Variants in RERE observed in about 807,000 individuals in gnomAD.
The protein encoded by RERE is arginine-glutamic acid dipeptide repeats protein.
Under a neutral mutation model 146.1 loss-of-function variants are expected in RERE, and 40 were observed. The ratio of observed to expected loss-of-function variants is 0.27; its 90% CI spans 0.21 to 0.36. The LOEUF (loss-of-function observed/expected upper bound fraction) is 0.36, where lower values mean the gene tolerates loss of function less well. RERE is among the 10% of genes least tolerant of loss of function. The pLI is 1.00. For synonymous variants in RERE, 1,003 were observed against 866.0 expected (o/e 1.16, Z -2.78); for missense variants, 1,933 against 2,138.7 (o/e 0.90, Z 1.90).
chr1:8,360,481 TG>T lies in RERE; in HGVS notation c.3025del (p.Gln1009ArgfsTer72). ...AGGGGGCGGGGGCAGGTTCTGGCTC[TG>T]GGTCAGCCCGGGGGGCTGGGCGGGC... ...SSPAQPPGLT[Q>X]SQNLPPPPAS... On this transcript the variant is annotated frameshift_variant, in exon 18 of 23. Transcript: ENST00000400908. LOFTEE classifies it high-confidence loss of function. 2 of 1,131,364 alleles carry T rather than the reference TG, an allele frequency of 1.8e-6. No individual in the cohort carries two copies. Among genetic ancestry groups the T allele is most frequent in the Non-Finnish European group, 2.3e-6 (2 of 876,234 alleles). The allele number at this position is 1,131,364 out of a possible 1,614,324, so 70.1% of individuals were successfully genotyped here. A position where few individuals can be genotyped will look rare whatever the true frequency, so the allele number is the denominator to read the frequency against.
In RERE at chr1:8,360,286, G is replaced by A. The variant is rs764784467; in HGVS notation, c.3221C>T (p.Ala1074Val). 2.0e-5 allele frequency: 31 copies of A among 1,560,266 alleles called. No homozygotes were observed. Among genetic ancestry groups the A allele is most frequent in the African/African-American group, 4.1e-5 (3 of 73,530 alleles). ...CCCCGCTATGCTGCCTCCTGAAGCCGCCGCACCAGAGCAGGGTGGCTGGGC... is the reference window on the plus strand; with the variant it reads ...CCCCGCTATGCTGCCTCCTGAAGCCACCGCACCAGAGCAGGGTGGCTGGGC... The part of the protein sequence containing the change: ...TSAQPPCSGA[A>V]ASGGSIAGGS... Residue 1074 changes from alanine to valine, a missense_variant, in exon 18 of 23, where the codon GCG becomes GTG. Physicochemically the swap from Ala to Val is moderately conservative, Grantham distance 64. This residue lies in a region of RERE where 1,255 missense variants were observed against 1,153.8 expected (regional missense o/e 1.09). Coordinates refer to ENST00000400908, the MANE Select transcript of RERE (RefSeq NM_001042681.2).
At chr1:8,453,068 T>G (rs1253689052) in intron 11 of RERE, among the ~76,000 whole-genome samples, 1 of 152,056 alleles carries the variant, frequency 6.6e-6, no homozygotes, top group Non-Finnish European at 1.5e-5. Flanking sequence ...TTACAGATAT[T>G]TAAAAAGAGA....
intron 10 of RERE, among the ~76,000 whole-genome samples, chr1:8,493,377 C>T (rs1476907302): frequency 3.3e-5 from 5 of 152,174 alleles, no homozygotes; most frequent in African/African-American, 4.8e-5. Context: ...ACAATGTACA[C>T]AAACACACAA....
At chr1:8,685,398 C>T (rs1170874025) in intron 1 of RERE, among the ~76,000 whole-genome samples, 1 of 147,688 alleles carries the variant, frequency 6.8e-6, no homozygotes, top group East Asian at 2.0e-4. Context: ...CAACAAAATA[C>T]AAATAATCCT....
chr1:8,578,401 C>T (rs1045226682), intron 4 of RERE, among the ~76,000 whole-genome samples: 8 of 152,040 alleles, frequency 5.3e-5, no homozygotes, highest in Non-Finnish European at 1.0e-4. Context: ...CAAACAGTTA[C>T]CTAACAACTA....
chr1:8,696,491 G>GTA (rs968402156), intron 1 of RERE, among the ~76,000 whole-genome samples: 1 of 152,228 alleles, frequency 6.6e-6, no homozygotes, highest in African/African-American at 2.4e-5. Flanking sequence ...GCACACATCT[G>GTA]TAGTCCCAGC....
At chr1:8,689,818 A>G (rs537333883) in intron 1 of RERE, among the ~76,000 whole-genome samples, 1 of 151,688 alleles carries the variant, frequency 6.6e-6, no homozygotes, top group Non-Finnish European at 1.5e-5. Flanking sequence ...AGCCACTTCC[A>G]AAATGTAAAC....
intron 1 of RERE, among the ~76,000 whole-genome samples, chr1:8,802,609 TTCTC>T (rs1458515418): frequency 6.6e-6 from 1 of 152,174 alleles, no homozygotes; most frequent in African/African-American, 2.4e-5. Flanking sequence ...CCAGAGCTGA[TTCTC>T]TTTCTTAAAC....
At chr1:8,367,906 C>T (rs1641877515) in intron 12 of RERE, among the ~76,000 whole-genome samples, 1 of 152,132 alleles carries the variant, frequency 6.6e-6, no homozygotes, top group African/African-American at 2.4e-5. Context: ...TTCGTAAATC[C>T]CACTAGGGGG....
chr1:8,740,715 T>C (rs61784169), intron 1 of RERE, among the ~76,000 whole-genome samples: 2 of 152,354 alleles, frequency 1.3e-5, no homozygotes, highest in South Asian at 2.1e-4. Flanking sequence ...CACATTAGCC[T>C]AGGCATACAC....
At chr1:8,448,387 T>TA (rs759163075) in intron 11 of RERE, among the ~76,000 whole-genome samples, 3 of 151,980 alleles carry the variant, frequency 2.0e-5, no homozygotes, top group Non-Finnish European at 2.9e-5. Context: ...AAGAAAATAA[T>TA]TACTATTGGG....
At chr1:8,602,844 A>C (rs1171507791) in intron 4 of RERE, among the ~76,000 whole-genome samples, 1 of 152,232 alleles carries the variant, frequency 6.6e-6, no homozygotes, top group East Asian at 1.9e-4. Flanking sequence ...TTAAAAAAAA[A>C]ATCAATCTGA....
intron 11 of RERE, among the ~76,000 whole-genome samples, chr1:8,434,230 C>T (rs1370373358): frequency 6.6e-6 from 1 of 152,122 alleles, no homozygotes; most frequent in Non-Finnish European, 1.5e-5. Flanking sequence ...TCCAACAGCC[C>T]CTCAATGTCC....
At chr1:8,767,736 C>T (rs776353548) in intron 1 of RERE, among the ~76,000 whole-genome samples, 4 of 151,388 alleles carry the variant, frequency 2.6e-5, no homozygotes, top group Non-Finnish European at 4.4e-5. Flanking sequence ...CCAAGGCAGG[C>T]GGATCACTTG....
chr1:8,511,771 T>A (rs375358230), intron 7 of RERE: 17 of 151,552 alleles, frequency 1.1e-4, no homozygotes, highest in African/African-American at 3.6e-4. Context: ...CCTCTCTTTT[T>A]TCTTTTTCTT....
chr1:8,630,887 G>T (rs1020292504), intron 2 of RERE, among the ~76,000 whole-genome samples: 1 of 152,218 alleles, frequency 6.6e-6, no homozygotes, highest in Admixed American at 6.5e-5. Flanking sequence ...TTCTAAACTT[G>T]GTGGGAAAAG....
At chr1:8,519,855 G>C (rs560882786) in intron 7 of RERE, 14 of 152,096 alleles carry the variant, frequency 9.2e-5, no homozygotes, top group Admixed American at 7.9e-4. Flanking sequence ...GAACTCACTG[G>C]CTCTTACTAG....
In RERE at chr1:8,491,266, C is replaced by T. The variant is rs182981643; in HGVS notation, c.1104+3797G>A. On this transcript the variant is annotated intron_variant, in intron 10 of 22. Transcript: ENST00000400908. ...GACCAGCCTGACCAACATGGCGAAA[C>T]CCTGTCTCTACTAAAAATACAAAAT... Among the ~76,000 whole-genome samples, 582 of 143,326 alleles carry T rather than the reference C, an allele frequency of 4.1e-3. 42 individuals are homozygous for T. Among genetic ancestry groups the T allele is most frequent in the African/African-American group, 0.016 (543 of 33,098 alleles). The allele number at this position is 143,326 out of a possible 152,430, so 94.0% of individuals were successfully genotyped here. A position where few individuals can be genotyped will look rare whatever the true frequency, so the allele number is the denominator to read the frequency against.
chr1:8,752,368 A>C (rs1640554708), intron 1 of RERE, among the ~76,000 whole-genome samples: 1 of 152,206 alleles, frequency 6.6e-6, no homozygotes, highest in Admixed American at 6.5e-5. Flanking sequence ...AAAAAGAAAA[A>C]AAATACTCCC....
Sources: allele counts gnomAD v4.1 joint callset (sites outside exome capture counted in the v4.1 genomes callset), GRCh38; gene constraint gnomAD v4.1.1; regional missense constraint gnomAD v4.1.1; transcripts MANE v1.5; gene names NCBI Gene and HGNC (gene_info 2026-07-23, HGNC 2026-07-21).